SYNPR: variants seen among roughly 807,000 people sequenced by gnomAD.
The protein encoded by SYNPR is synaptoporin.
Under a neutral mutation model 32.9 loss-of-function variants are expected in SYNPR, and 23 were observed. That is an observed-to-expected ratio of 0.70 (90% CI 0.50 to 0.99). The LOEUF is 0.99. SYNPR is among the 50% of genes least tolerant of loss of function. The pLI is 0.00. For synonymous variants in SYNPR, 146 were observed against 135.9 expected, an observed-to-expected ratio of 1.07 and a Z score of -0.52; for missense variants, 318 against 349.3, an observed-to-expected ratio of 0.91 and a Z score of 0.71.
the SYNPR span, among the ~76,000 whole-genome samples, chr3:63,209,333 A>AAAAG: frequency 1.2e-4 from 18 of 151,114 alleles, no homozygotes; most frequent in South Asian, 2.1e-4. Context: ...AAAAAAAAAA[A>AAAAG]GGTTGGGAAA....
At chr3:63,574,399 T>C (rs1402937456) in intron 4 of SYNPR, among the ~76,000 whole-genome samples, 1 of 152,118 alleles carries the variant, frequency 6.6e-6, no homozygotes, top group Non-Finnish European at 1.5e-5. Context: ...TTAATAAAAC[T>C]CCACCCAAGT....
At chr3:63,420,171 A>G (rs1192692603) in intron 2 of SYNPR, among the ~76,000 whole-genome samples, 1 of 152,228 alleles carries the variant, frequency 6.6e-6, no homozygotes, top group African/African-American at 2.4e-5. Flanking sequence ...ATTCAATGAC[A>G]TTTTAATTAA....
At position 63,472,821 on chromosome 3, in the gene SYNPR, G is replaced by A. The variant is rs182479993; in HGVS notation, c.85-8011G>A. On this transcript the variant is annotated intron_variant, in intron 2 of 5. Coordinates refer to ENST00000478300, the MANE Select transcript of SYNPR (RefSeq NM_001130003.2). ...AACCTATTCTGCTTGCAAGACCCAC[G>A]TGTCTTCACATTGACAAACTATTTC... Among the ~76,000 whole-genome samples the A allele has an allele frequency of 9.1e-4, 139 of 152,024 alleles. 1 individual carries two copies. Among genetic ancestry groups the A allele is most frequent in the African/African-American group, 3.3e-3 (136 of 41,420 alleles).
chr3:63,234,534 C>T (rs187483261), intron 1 of SYNPR, among the ~76,000 whole-genome samples: 1 of 152,166 alleles, frequency 6.6e-6, no homozygotes, highest in Non-Finnish European at 1.5e-5. Context: ...ATGCTGTATA[C>T]CCTTTCAGTA....
intron 2 of SYNPR, among the ~76,000 whole-genome samples, chr3:63,258,454 C>A (rs2086407491): frequency 6.6e-6 from 1 of 152,148 alleles, no homozygotes; most frequent in South Asian, 2.1e-4. Flanking sequence ...AACTGAACAA[C>A]CTACTCCTGA....
At chr3:63,456,101 C>T (rs1039365935) in intron 2 of SYNPR, among the ~76,000 whole-genome samples, 37 of 152,032 alleles carry the variant, frequency 2.4e-4, no homozygotes, top group African/African-American at 8.7e-4. Flanking sequence ...TTTTTAAAAC[C>T]ATCAGATATC....
chr3:63,469,312 G>A lies in SYNPR; in HGVS notation c.85-11520G>A, dbSNP rs139390578. Among the ~76,000 whole-genome samples, 595 of 152,162 alleles carry A rather than the reference G, an allele frequency of 3.9e-3. 4 individuals are homozygous for A. The highest frequency in any genetic ancestry group is 0.014 in the African/African-American group (572 of 41,510). On this transcript the variant is annotated intron_variant, in intron 2 of 5. Coordinates refer to ENST00000478300, the MANE Select transcript of SYNPR (RefSeq NM_001130003.2). ...AGGGGTAGTTCATTCCAGCATATCC[G>A]ATGCATGCTATTTAACTACAGAACA...
intron 2 of SYNPR, among the ~76,000 whole-genome samples, chr3:63,332,662 G>C (rs1444603690): frequency 6.6e-6 from 1 of 152,126 alleles, no homozygotes; most frequent in Non-Finnish European, 1.5e-5. Flanking sequence ...TTGGTCTTAA[G>C]CACAACCCTG....
chr3:63,611,464 G>T (rs1306661572), intron 5 of SYNPR, among the ~76,000 whole-genome samples: 2 of 152,124 alleles, frequency 1.3e-5, no homozygotes, highest in Non-Finnish European at 2.9e-5. Flanking sequence ...CAAATTGTTT[G>T]GCTTCAAATC....
At chr3:63,615,012 A>G (rs1700256886) in intron 5 of SYNPR, among the ~76,000 whole-genome samples, 1 of 152,232 alleles carries the variant, frequency 6.6e-6, no homozygotes, top group South Asian at 2.1e-4. Flanking sequence ...ATTGATACAC[A>G]TAAAGCCCTT....
chr3:63,363,794 T>C (rs1361881781), intron 2 of SYNPR, among the ~76,000 whole-genome samples: 1 of 152,154 alleles, frequency 6.6e-6, no homozygotes, highest in Non-Finnish European at 1.5e-5. Flanking sequence ...CCCTAGAATG[T>C]TCATACTTTC....
chr3:63,323,547 A>AT (rs199657935), intron 2 of SYNPR, among the ~76,000 whole-genome samples: 37 of 151,346 alleles, frequency 2.4e-4, no homozygotes, highest in African/African-American at 7.0e-4. Context: ...TCCCCAAATA[A>AT]TTTTTTTTTG....
At chr3:63,376,887 C>T (rs1210769334) in intron 2 of SYNPR, among the ~76,000 whole-genome samples, 1 of 152,024 alleles carries the variant, frequency 6.6e-6, no homozygotes, top group Non-Finnish European at 1.5e-5. Flanking sequence ...AGAACCATAC[C>T]TGTTTTATTC....
At chr3:63,328,030 A>G (rs1043389476) in intron 2 of SYNPR, among the ~76,000 whole-genome samples, 3 of 152,348 alleles carry the variant, frequency 2.0e-5, no homozygotes, top group African/African-American at 4.8e-5. Context: ...ATTGCAAAAT[A>G]TTATTTAAAT....
At chr3:63,270,398 T>C (rs896948134) in intron 3 of SYNPR, among the ~76,000 whole-genome samples, 3 of 152,150 alleles carry the variant, frequency 2.0e-5, no homozygotes, top group Non-Finnish European at 4.4e-5. Flanking sequence ...CAAATGATTT[T>C]GCAAAAATCA....
chr3:63,247,792 G>A (rs1334674958), intron 1 of SYNPR, among the ~76,000 whole-genome samples: 1 of 152,098 alleles, frequency 6.6e-6, no homozygotes, highest in African/African-American at 2.4e-5. Context: ...TAAATACCGT[G>A]AGGTGAAGGG....
chr3:63,218,550 C>T, the SYNPR span, among the ~76,000 whole-genome samples: 1 of 152,146 alleles, frequency 6.6e-6, no homozygotes, highest in Admixed American at 6.6e-5. Context: ...CCTACCTTTG[C>T]CTCTAACCTA....
intron 2 of SYNPR, among the ~76,000 whole-genome samples, chr3:63,453,343 C>T (rs13074683): frequency 6.6e-6 from 1 of 151,846 alleles, no homozygotes; most frequent in Non-Finnish European, 1.5e-5. Flanking sequence ...CTCAGAGACT[C>T]TTTTTTACCT....
rs1377959320 is a variant in SYNPR at position 63,359,821 on chromosome 3, T to C, written c.84+81079T>C. On this transcript the variant is annotated intron_variant, in intron 2 of 5. Transcript: ENST00000478300. ...CATATTGATATGGTGGAAATAATAA[T>C]AACATTCATTAGTGTCTTTGGCTAT... Among the ~76,000 whole-genome samples, 9 of 152,304 alleles carry C rather than the reference T, an allele frequency of 5.9e-5. 1 individual carries two copies. In the South Asian group the frequency reaches 1.9e-3, roughly 32 times the overall value.
Sources: gnomAD v4.1 joint callset for allele counts (sites outside exome capture counted in the v4.1 genomes callset) on GRCh38, gnomAD v4.1.1 for gene constraint, MANE v1.5 for transcripts, NCBI Gene and HGNC (gene_info 2026-07-23, HGNC 2026-07-21) for gene names.